C22orf39: variants seen among roughly 807,000 people sequenced by gnomAD.
The protein encoded by C22orf39 is synaptic plasticity regulator PANTS.
Under a neutral mutation model 18.3 loss-of-function variants are expected in C22orf39, and 20 were observed. That is an observed-to-expected ratio of 1.09 (90% CI 0.77 to 1.59). The LOEUF (loss-of-function observed/expected upper bound fraction) is 1.59, where lower values mean the gene tolerates loss of function less well. Among genes scored for constraint, C22orf39 ranks in the 40% most tolerant of loss-of-function variants. The pLI is 0.00. For synonymous variants in C22orf39, 63 were observed against 59.6 expected (o/e 1.06, Z -0.26); for missense variants, 195 against 156.1 (o/e 1.25, Z -1.33).
At chr22:19,445,189 C>T (rs1461945780) in intron 2 of C22orf39, among the ~76,000 whole-genome samples, 1 of 152,190 alleles carries the variant, frequency 6.6e-6, no homozygotes, top group African/African-American at 2.4e-5. Flanking sequence ...AACAGCTTCC[C>T]TGATATCTTT....
rs563466222 is a variant in C22orf39 at position 19,443,422 on chromosome 22, A to C, written c.*843T>G. On this transcript the variant is annotated 3_prime_UTR_variant, in exon 3 of 3. Transcript: ENST00000399562. Reference sequence around the variant, plus strand: ...CACTTAACAAGAGAATAAGCATACAAATTTCTAATACTGTCCAGGTACAAC... The same window carrying C: ...CACTTAACAAGAGAATAAGCATACACATTTCTAATACTGTCCAGGTACAAC... The C allele has an allele frequency of 1.0e-6, 1 of 985,704 alleles. No individual in the cohort carries two copies. Among genetic ancestry groups the C allele is most frequent in the Non-Finnish European group, 1.2e-6 (1 of 829,916 alleles). 61.1% of individuals were successfully genotyped at this position (985,704 alleles called of 1,614,324 possible). A position where few individuals can be genotyped will look rare whatever the true frequency, so the allele number is the denominator to read the frequency against.
rs1449642943 is a variant in C22orf39, at chr22:19,441,333, T to C, written c.*2932A>G. The C allele has an allele frequency of 2.4e-5, 7 of 292,794 alleles. No individual in the cohort carries two copies. Among genetic ancestry groups the C allele is most frequent in the African/African-American group, 1.5e-4 (7 of 46,058 alleles). The allele number at this position is 292,794 out of a possible 1,614,324, so 18.1% of individuals were successfully genotyped here. A position where few individuals can be genotyped will look rare whatever the true frequency, so the allele number is the denominator to read the frequency against. ...TTTTCAAGATTGGCTGTTTTTGCTCTGAAGAATTTCCTTGAGTTTCATCTG... is the reference window on the plus strand; with the variant it reads ...TTTTCAAGATTGGCTGTTTTTGCTCCGAAGAATTTCCTTGAGTTTCATCTG... On this transcript the variant is annotated 3_prime_UTR_variant, in exon 3 of 3. Coordinates refer to ENST00000399562, the MANE Select transcript of C22orf39 (RefSeq NM_173793.5).
At chr22:19,447,273 C>G in intron 2 of C22orf39, 105 bp downstream of exon 2, 2 of 1,199,844 alleles carry the variant, frequency 1.7e-6, no homozygotes, top group Non-Finnish European at 2.2e-6. Context: ...GGATAGGGAC[C>G]CCGTCAGTCC....
Position 19,444,085 on chromosome 22 carries a change from A to G in C22orf39, c.*180T>C. The G allele has an allele frequency of 7.5e-7, 1 of 1,339,146 alleles. No homozygotes were observed. The highest frequency in any genetic ancestry group is 3.1e-5 in the East Asian group (1 of 31,984). The allele number at this position is 1,339,146 out of a possible 1,614,324, so 83.0% of individuals were successfully genotyped here. A position where few individuals can be genotyped will look rare whatever the true frequency, so the allele number is the denominator to read the frequency against. ...CTGCAGAACATCGCAGTGTCAGGGT[A>G]TCCTGCATGCAGGTGAGGGGTGGGC... is the stretch of plus-strand genomic sequence containing the variant. On this transcript the variant is annotated 3_prime_UTR_variant, in exon 3 of 3. Coordinates refer to ENST00000399562, the MANE Select transcript of C22orf39 (RefSeq NM_173793.5).
chr22:19,441,727 TTACAG>T lies in C22orf39; in HGVS notation c.*2533_*2537del, dbSNP rs1307747351. ...AAAAGTTTGAAAGATATTGCTCTTA[TTACAG>T]TATTTGTTTTCTTCATACCACCACC... On this transcript the variant is annotated 3_prime_UTR_variant, in exon 3 of 3. Transcript: ENST00000399562. The T allele has an allele frequency of 6.5e-7, 1 of 1,545,140 alleles. No individual in the cohort carries two copies. Among genetic ancestry groups the T allele is most frequent in the African/African-American group, 1.4e-5 (1 of 72,704 alleles).
rs1001204812 is a variant in C22orf39, at chr22:19,446,706, C to CT, written c.192+671dup. Among the ~76,000 whole-genome samples the CT allele has an allele frequency of 2.6e-5, 4 of 152,116 alleles. No homozygotes were observed. The East Asian group carries it at 5.8e-4, about 22-fold the overall frequency. The stretch of plus-strand genomic sequence containing the variant: ...AGATTGAACTTCTTTTACCCTCTCT[C>CT]TTTTTTTTCCCCCCTGAGACAGGTC... On this transcript the variant is annotated intron_variant, in intron 2 of 2. Transcript: ENST00000399562.
Position 19,443,107 on chromosome 22 carries a change from G to T in C22orf39, c.*1158C>A. Reference sequence around the variant, plus strand: ...CCCACCCCCACCCCCACTGTTCACAGACACAGGGGCTCTTAGGGAGCACAG... The same window carrying T: ...CCCACCCCCACCCCCACTGTTCACATACACAGGGGCTCTTAGGGAGCACAG... On this transcript the variant is annotated 3_prime_UTR_variant, in exon 3 of 3. Transcript: ENST00000399562. 8.6e-6 allele frequency: 2 copies of T among 231,608 alleles called. No individual in the cohort carries two copies. The highest frequency in any genetic ancestry group is 1.3e-5 in the Non-Finnish European group (2 of 152,830). The allele number at this position is 231,608 out of a possible 1,614,324, so 14.3% of individuals were successfully genotyped here.
Position 19,443,885 on chromosome 22 carries a change from T to A in C22orf39, c.*380A>T, listed in dbSNP as rs1225496554. Reference sequence around the variant, plus strand: ...ACAGTGGCACAACTGTTTAGCTACCTCATTATGACCCACCTGTGTGTCCAC... The same window carrying A: ...ACAGTGGCACAACTGTTTAGCTACCACATTATGACCCACCTGTGTGTCCAC... On this transcript the variant is annotated 3_prime_UTR_variant, in exon 3 of 3. Transcript: ENST00000399562. 2 of 1,001,702 alleles carry A rather than the reference T, an allele frequency of 2.0e-6. No homozygotes were observed. Among genetic ancestry groups the A allele is most frequent in the Non-Finnish European group, 2.4e-6 (2 of 841,274 alleles). The allele number at this position is 1,001,702 out of a possible 1,614,324, so 62.1% of individuals were successfully genotyped here. A position where few individuals can be genotyped will look rare whatever the true frequency, so the allele number is the denominator to read the frequency against.
Position 19,443,435 on chromosome 22 carries a change from G to A in C22orf39, c.*830C>T. ...AATAAGCATACAAATTTCTAATACT[G>A]TCCAGGTACAACACTGTTACACACA... On this transcript the variant is annotated 3_prime_UTR_variant, in exon 3 of 3. Coordinates refer to ENST00000399562, the MANE Select transcript of C22orf39 (RefSeq NM_173793.5). 3 of 985,788 alleles carry A rather than the reference G, an allele frequency of 3.0e-6. No homozygotes were observed. The South Asian group carries it at 1.4e-4, about 46-fold the overall frequency. The allele number at this position is 985,788 out of a possible 1,614,324, so 61.1% of individuals were successfully genotyped here.
rs1569322175 is a variant in C22orf39, at chr22:19,443,929, T to A, written c.*336A>T. The A allele has an allele frequency of 1.9e-6, 2 of 1,054,186 alleles. No homozygotes were observed. The highest frequency in any genetic ancestry group is 1.4e-4 in the East Asian group (2 of 14,186). The allele number at this position is 1,054,186 out of a possible 1,614,324, so 65.3% of individuals were successfully genotyped here. A position where few individuals can be genotyped will look rare whatever the true frequency, so the allele number is the denominator to read the frequency against. On this transcript the variant is annotated 3_prime_UTR_variant, in exon 3 of 3. Coordinates refer to ENST00000399562, the MANE Select transcript of C22orf39 (RefSeq NM_173793.5). ...TGTCCACACAGGTCAGGGCTACCCT[T>A]CAGTTTACCTGAGAAGCCTAGACCT... is the stretch of plus-strand genomic sequence containing the variant.
At chr22:19,445,970 A>G (rs2146277823) in intron 2 of C22orf39, among the ~76,000 whole-genome samples, 1 of 152,192 alleles carries the variant, frequency 6.6e-6, no homozygotes, top group South Asian at 2.1e-4. Context: ...CACCATGCCC[A>G]GGCTTTTCTC....
At position 19,447,697 on chromosome 22, in the gene C22orf39, G is replaced by C. The variant is rs766770879; in HGVS notation, c.-9C>G. On this transcript the variant is annotated 5_prime_UTR_variant, in exon 1 of 3. Transcript: ENST00000399562. Reference sequence around the variant, plus strand: ...CCGCTGCCGTCCGCCATGTCTGGGCGACCGGCGCGCCAAGCCCGCCCCTCA... The same window carrying C: ...CCGCTGCCGTCCGCCATGTCTGGGCCACCGGCGCGCCAAGCCCGCCCCTCA... The C allele has an allele frequency of 1.2e-6, 2 of 1,608,522 alleles. No individual in the cohort carries two copies. Among genetic ancestry groups the C allele is most frequent in the Admixed American group, 3.3e-5 (2 of 59,766 alleles).
chr22:19,447,489 C>A lies in C22orf39; in HGVS notation c.81G>T (p.Arg27Ser). The A allele has an allele frequency of 6.7e-7, 1 of 1,502,426 alleles. No individual in the cohort carries two copies. Among genetic ancestry groups the A allele is most frequent in the African/African-American group, 1.4e-5 (1 of 69,472 alleles). 93.1% of individuals were successfully genotyped at this position (1,502,426 alleles called of 1,614,324 possible). The change falls in exon 2 of 3, where the codon AGG (arginine) becomes AGT (serine). Residue 27 changes from arginine (R) to serine (S), a missense_variant. Transcript: ENST00000399562. ...RAEWKLCRSA[R>S]HFLHHYYVHG... The stretch of plus-strand genomic sequence containing the variant: ...GGACGTAGTAGTGGTGTAGGAAGTG[C>A]CTGGCGCTGCGGCAGAGCTTCCACT...
In C22orf39 at chr22:19,443,092, C is replaced by T; in HGVS notation, c.*1173G>A. On this transcript the variant is annotated 3_prime_UTR_variant, in exon 3 of 3. Coordinates refer to ENST00000399562, the MANE Select transcript of C22orf39 (RefSeq NM_173793.5). Reference sequence around the variant, plus strand: ...CCCGTGAGCACAACCCCCACCCCCACCCCCACTGTTCACAGACACAGGGGC... The same window carrying T: ...CCCGTGAGCACAACCCCCACCCCCATCCCCACTGTTCACAGACACAGGGGC... The T allele has an allele frequency of 5.0e-6, 4 of 794,784 alleles. No individual in the cohort carries two copies. The highest frequency in any genetic ancestry group is 6.1e-6 in the Non-Finnish European group (4 of 658,112). 49.2% of individuals were successfully genotyped at this position (794,784 alleles called of 1,614,324 possible).
At position 19,441,644 on chromosome 22, in the gene C22orf39, TCAGC is replaced by T; in HGVS notation, c.*2617_*2620del. On this transcript the variant is annotated 3_prime_UTR_variant, in exon 3 of 3. Coordinates refer to ENST00000399562, the MANE Select transcript of C22orf39 (RefSeq NM_173793.5). The stretch of plus-strand genomic sequence containing the variant: ...CCTATCCTCAAGTGATTCTTCTGCC[TCAGC>T]CTCCCAAGTAGCTGAGATTACAGGT... 7.1e-7 allele frequency: 1 copy of T among 1,401,858 alleles called. No individual in the cohort carries two copies. The highest frequency in any genetic ancestry group is 9.9e-7 in the Non-Finnish European group (1 of 1,014,154). 86.8% of individuals were successfully genotyped at this position (1,401,858 alleles called of 1,614,324 possible).
rs1055478627 is a variant in C22orf39, at chr22:19,442,600, ACT to A, written c.*1663_*1664del. ...ATTTTATCTTTGAGACAAGAGTCTC[ACT>A]CTGTCGCCCAGGCTGGAGTACAGTG... is the stretch of plus-strand genomic sequence containing the variant. On this transcript the variant is annotated 3_prime_UTR_variant, in exon 3 of 3. Coordinates refer to ENST00000399562, the MANE Select transcript of C22orf39 (RefSeq NM_173793.5). The A allele has an allele frequency of 5.3e-5, 8 of 152,036 alleles. No homozygotes were observed. Among genetic ancestry groups the A allele is most frequent in the African/African-American group, 2.4e-5 (1 of 41,356 alleles). 9.4% of individuals were successfully genotyped at this position (152,036 alleles called of 1,614,324 possible).
chr22:19,442,024 C>A lies in C22orf39; in HGVS notation c.*2241G>T. The A allele has an allele frequency of 4.9e-6, 1 of 202,608 alleles. No homozygotes were observed. Among genetic ancestry groups the A allele is most frequent in the African/African-American group, 2.3e-5 (1 of 43,102 alleles). The allele number at this position is 202,608 out of a possible 1,614,324, so 12.6% of individuals were successfully genotyped here. A position where few individuals can be genotyped will look rare whatever the true frequency, so the allele number is the denominator to read the frequency against. On this transcript the variant is annotated 3_prime_UTR_variant, in exon 3 of 3. Transcript: ENST00000399562. Reference sequence around the variant, plus strand: ...CAGGCTGGTCTCGAACTCCTGGGCTCAAGCAATCCTCCCACCTCAGCCTCC... The same window carrying A: ...CAGGCTGGTCTCGAACTCCTGGGCTAAAGCAATCCTCCCACCTCAGCCTCC...
Position 19,441,490 on chromosome 22 carries a change from T to C in C22orf39, c.*2775A>G, listed in dbSNP as rs2089612316. The C allele has an allele frequency of 6.8e-6, 4 of 591,096 alleles. No homozygotes were observed. The highest frequency in any genetic ancestry group is 5.6e-5 in the East Asian group (2 of 35,740). 36.6% of individuals were successfully genotyped at this position (591,096 alleles called of 1,614,324 possible). The stretch of plus-strand genomic sequence containing the variant: ...GCCAGATAATAATGTAAAATACTTA[T>C]TATTAATATGGGGTTTTATCCAAAA... On this transcript the variant is annotated 3_prime_UTR_variant, in exon 3 of 3. Transcript: ENST00000399562.
intron 1 of C22orf39, 27 bp from the exon 2 acceptor site, chr22:19,447,572 G>A: frequency 4.3e-6 from 6 of 1,405,340 alleles, no homozygotes; most frequent in Non-Finnish European, 5.5e-6. Flanking sequence ...CGCCTGAGCG[G>A]GGCCCGGCGG....
Sources: allele counts gnomAD v4.1 joint callset (sites outside exome capture counted in the v4.1 genomes callset), GRCh38; gene constraint gnomAD v4.1.1; transcripts MANE v1.5; gene names NCBI Gene and HGNC (gene_info 2026-07-23, HGNC 2026-07-21).